Variants in DENND1A observed in about 807,000 individuals in gnomAD.
The protein encoded by DENND1A is DENN domain containing 1A, also known as DENN domain-containing protein 1A.
In DENND1A, 51 loss-of-function variants were observed where a neutral mutation model predicts 113.7. That is an observed-to-expected ratio of 0.45 (90% confidence interval 0.36 to 0.57). DENND1A has a LOEUF of 0.57. Among genes scored for constraint, DENND1A ranks in the 20% least tolerant of loss-of-function variants. DENND1A has a pLI of 0.00. For synonymous variants in DENND1A, 565 were observed against 570.8 expected (o/e 0.99, Z 0.14); for missense variants, 1,258 against 1,395.9 (o/e 0.90, Z 1.57).
chr9:123,398,227 GACTAGCT>G (rs1218499716), intron 21 of DENND1A, among the ~76,000 whole-genome samples: 1 of 152,194 alleles, frequency 6.6e-6, no homozygotes, highest in African/African-American at 2.4e-5. Flanking sequence ...GGGAACAAAT[GACTAGCT>G]GCCTGGCAGA....
At chr9:123,618,004 T>C (rs569102121) in intron 10 of DENND1A, among the ~76,000 whole-genome samples, 1 of 152,366 alleles carries the variant, frequency 6.6e-6, no homozygotes, top group East Asian at 1.9e-4. Flanking sequence ...ACTCATCCCA[T>C]GTGCCAAGAT....
intron 13 of DENND1A, among the ~76,000 whole-genome samples, chr9:123,472,525 T>C (rs966914467): frequency 6.6e-6 from 1 of 152,086 alleles, no homozygotes; most frequent in Non-Finnish European, 1.5e-5. Flanking sequence ...CACAAAAATA[T>C]AGCTCCTCAG....
At chr9:123,502,271 A>G (rs1435339896) in intron 13 of DENND1A, among the ~76,000 whole-genome samples, 1 of 151,580 alleles carries the variant, frequency 6.6e-6, no homozygotes, top group African/African-American at 2.4e-5. Flanking sequence ...ATCTACATCT[A>G]TATCTACATA....
At chr9:123,890,073 A>G (rs1416935146) in intron 1 of DENND1A, among the ~76,000 whole-genome samples, 1 of 152,232 alleles carries the variant, frequency 6.6e-6, no homozygotes, top group African/African-American at 2.4e-5. Flanking sequence ...TGGTTACCTT[A>G]GAACTCACAT....
At chr9:123,440,272 A>C (rs10739633) in intron 19 of DENND1A, 88 bp downstream of exon 19, 962,904 of 1,422,834 alleles carry the variant, frequency 0.68, 331,378 homozygotes, top group Non-Finnish European at 0.7. Context: ...AACTGAAATG[A>C]AAAACCGTCT....
At position 123,381,869 on chromosome 9, in the gene DENND1A, C is replaced by T. The variant is rs1424124186; in HGVS notation, c.2776G>A (p.Ala926Thr). 2.1e-6 allele frequency: 3 copies of T among 1,460,502 alleles called. No individual in the cohort carries two copies. The highest frequency in any genetic ancestry group is 2.9e-5 in the African/African-American group (2 of 69,344). The allele number at this position is 1,460,502 out of a possible 1,614,324, so 90.5% of individuals were successfully genotyped here. A position where few individuals can be genotyped will look rare whatever the true frequency, so the allele number is the denominator to read the frequency against. Residue 926 changes from alanine (A) to threonine (T), a missense_variant, in exon 24 of 24, where the codon GCT becomes ACT. By Grantham distance (58) the Ala-to-Thr change is moderately conservative. Around this residue, in one of 2 missense-constraint regions of DENND1A, gnomAD observed 1,159 missense variants for 1,231.7 expected, o/e 0.94. Coordinates refer to ENST00000394215, the MANE Select transcript of DENND1A (RefSeq NM_001352964.2). This position sits in a 1 kb window ranked among gnomAD's most constrained non-coding sequence, Gnocchi z 4.7. ...GACAGCAGGAGGCCGGACGCAAAAG[C>T]CGGCCCCAGGGAAGCTGGAGGGGCC... ...FGAPPASLGPAFASGLLLSSA... is the reference protein window; with the variant it reads ...FGAPPASLGPTFASGLLLSSA...
At chr9:123,578,866 TTG>T (rs991336939) in intron 12 of DENND1A, among the ~76,000 whole-genome samples, 2 of 151,320 alleles carry the variant, frequency 1.3e-5, no homozygotes, top group African/African-American at 4.9e-5. Context: ...GTGCATGTGT[TTG>T]TGTGTGTGTG....
At chr9:123,830,810 G>A (rs893170283) in intron 2 of DENND1A, among the ~76,000 whole-genome samples, 60 of 141,440 alleles carry the variant, frequency 4.2e-4, no homozygotes, top group African/African-American at 1.3e-3. Context: ...AGGTTGCAGC[G>A]AGCCGAGATC....
intron 5 of DENND1A, among the ~76,000 whole-genome samples, chr9:123,732,437 CA>C (rs2068244846): frequency 1.3e-5 from 2 of 152,144 alleles, no homozygotes; most frequent in South Asian, 4.1e-4. Context: ...AGACAGTCTC[CA>C]AAAGGTAATA....
intron 5 of DENND1A, among the ~76,000 whole-genome samples, chr9:123,686,612 G>C (rs1161474750): frequency 1.3e-5 from 2 of 152,162 alleles, no homozygotes; most frequent in African/African-American, 4.8e-5. Context: ...GTTATATTCA[G>C]AAACACAAAT....
chr9:123,859,572 C>T (rs1171415778), intron 2 of DENND1A, among the ~76,000 whole-genome samples: 1 of 151,920 alleles, frequency 6.6e-6, no homozygotes, highest in Non-Finnish European at 1.5e-5. Context: ...ATTTATTCAT[C>T]CATCCATCCA....
At chr9:123,605,493 A>T (rs2060114910) in intron 11 of DENND1A, among the ~76,000 whole-genome samples, 2 of 152,360 alleles carry the variant, frequency 1.3e-5, no homozygotes, top group South Asian at 2.1e-4. Context: ...GCCAGCTAGC[A>T]TGATCATTCT....
chr9:123,393,225 C>T (rs1457018848), intron 21 of DENND1A, among the ~76,000 whole-genome samples: 2 of 152,238 alleles, frequency 1.3e-5, no homozygotes, highest in African/African-American at 4.8e-5. Flanking sequence ...CCACTACTGT[C>T]CACATGCCAC....
At chr9:123,403,973 T>G (rs2043726566) in intron 20 of DENND1A, among the ~76,000 whole-genome samples, 1 of 152,224 alleles carries the variant, frequency 6.6e-6, no homozygotes, top group Non-Finnish European at 1.5e-5. Flanking sequence ...GTGCTTATTT[T>G]CCTCTCTAAA....
In DENND1A at chr9:123,553,901, G is replaced by A. The variant is rs190715371; in HGVS notation, c.993+3669C>T. Among the ~76,000 whole-genome samples the A allele has an allele frequency of 2.9e-3, 449 of 152,268 alleles. 6 individuals carry two copies. Among genetic ancestry groups the A allele is most frequent in the Non-Finnish European group, 3.0e-3 (202 of 68,020 alleles). On this transcript the variant is annotated intron_variant, in intron 13 of 23. Transcript: ENST00000394215. ...GCCTCCTGAGTAGCTGGGACTACAGGTGCGTGCCACCACGCCCAACTAATT... is the reference window on the plus strand; with the variant it reads ...GCCTCCTGAGTAGCTGGGACTACAGATGCGTGCCACCACGCCCAACTAATT...
intron 13 of DENND1A, among the ~76,000 whole-genome samples, chr9:123,493,318 G>A (rs1337242557): frequency 6.6e-6 from 1 of 152,218 alleles, no homozygotes. Context: ...GAGGTTGGGG[G>A]GAGACTTGGT....
intron 19 of DENND1A, among the ~76,000 whole-genome samples, chr9:123,432,608 G>A (rs900589045): frequency 3.3e-5 from 5 of 152,230 alleles, no homozygotes; most frequent in Admixed American, 1.3e-4. Context: ...GGGAAGAAAC[G>A]GGGGCAACGG....
chr9:123,504,664 C>A (rs564209997), intron 13 of DENND1A, among the ~76,000 whole-genome samples: 2 of 152,198 alleles, frequency 1.3e-5, no homozygotes, highest in Non-Finnish European at 2.9e-5. Context: ...TGGAGACCTG[C>A]TGACCCCGTG....
intron 2 of DENND1A, among the ~76,000 whole-genome samples, chr9:123,825,003 T>A (rs1432066622): frequency 1.3e-5 from 2 of 152,160 alleles, no homozygotes; most frequent in Non-Finnish European, 2.9e-5. Context: ...TGGCTCCATT[T>A]ACCCAATAAA....
Sources: gnomAD v4.1 joint callset for allele counts (sites outside exome capture counted in the v4.1 genomes callset) on GRCh38, gnomAD v4.1.1 for gene constraint, gnomAD v4.1.1 regional missense constraint, Gnocchi (gnomAD v3.1) non-coding constraint, MANE v1.5 for transcripts, NCBI Gene and HGNC (gene_info 2026-07-23, HGNC 2026-07-21) for gene names.